Variants in SVIL observed in about 807,000 individuals in gnomAD.
SVIL encodes the protein supervillin, also known as archvillin.
A neutral mutation model predicts 240.4 loss-of-function variants in SVIL; 101 were observed. The observed-to-expected ratio is 0.42, with a 90% CI of 0.36 to 0.50. The LOEUF is 0.50. SVIL is among the 20% of genes least tolerant of loss of function. SVIL has a pLI of 0.01. For missense variants in SVIL, 2,512 were observed against 2,818.7 expected (o/e 0.89, Z 2.46); for synonymous variants, 999 against 1,100.0 (o/e 0.91, Z 1.82).
At chr10:29,569,389 A>T in intron 1 of SVIL, 77 bp from the exon 2 acceptor site, 1 of 670,230 alleles carries the variant, frequency 1.5e-6, no homozygotes, top group Non-Finnish European at 1.8e-6. Context: ...AACTCTCCAA[A>T]CTGCTTTTGA....
chr10:29,537,303 T>C (rs1007871524), intron 6 of SVIL, among the ~76,000 whole-genome samples: 1 of 152,128 alleles, frequency 6.6e-6, no homozygotes. Flanking sequence ...ACGACGAAAA[T>C]GAATCATAAA....
At chr10:29,498,202 G>C (rs1948608875) in intron 18 of SVIL, among the ~76,000 whole-genome samples, 1 of 151,494 alleles carries the variant, frequency 6.6e-6, no homozygotes, top group African/African-American at 2.4e-5. Context: ...TGGATCACCT[G>C]AGGTCAGCAG....
At chr10:29,596,865 C>T (rs1487670521) in intron 1 of SVIL, among the ~76,000 whole-genome samples, 1 of 152,198 alleles carries the variant, frequency 6.6e-6, no homozygotes, top group African/African-American at 2.4e-5. Context: ...TCACAAAGGG[C>T]TTTAATCAAG....
chr10:29,707,080 C>T (rs1962940712), intron 1 of SVIL, among the ~76,000 whole-genome samples: 1 of 152,114 alleles, frequency 6.6e-6, no homozygotes, highest in African/African-American at 2.4e-5. Context: ...GTGATGACTC[C>T]AGCTTTGTTC....
rs1187150307 is a variant in SVIL at position 29,715,564 on chromosome 10, GC to G, written c.-400+20186del. On this transcript the variant is annotated intron_variant, in intron 1 of 35. Coordinates refer to the SVIL transcript ENST00000375400. The stretch of plus-strand genomic sequence containing the variant: ...CAGTTGACCTATAAACTCTGCCTTG[GC>G]CTTGTCCCAAGCTAATCCCTATTAC... 4.6e-5 allele frequency among the ~76,000 whole-genome samples: 7 copies of G among 152,274 alleles called. No homozygotes were observed. The South Asian group carries it at 1.0e-3, about 23-fold the overall frequency.
Position 29,480,661 on chromosome 10 carries a change from G to T in SVIL, c.5253C>A (p.Ser1751Arg). The T allele has an allele frequency of 6.2e-7, 1 of 1,614,198 alleles. No individual in the cohort carries two copies. Among genetic ancestry groups the T allele is most frequent in the South Asian group, 1.1e-5 (1 of 91,084 alleles). ...GGATGTGCCAGACATCCACGGAAAC[G>T]CTGGTGATCTCAAACTGCCTCCTGT... ...GHDRRQFEIT[S>R]VSVDVWHILE... is the part of the protein sequence containing the mutation. The change falls in exon 29 of 38, where the codon AGC becomes AGA. Residue 1751 changes from serine to arginine, a missense_variant. This residue lies in a region of SVIL where 797 missense variants were observed against 925.3 expected (regional missense o/e 0.86). Coordinates refer to ENST00000355867, the MANE Select transcript of SVIL (RefSeq NM_021738.3).
At chr10:29,722,236 A>G (rs11813015) in intron 1 of SVIL, among the ~76,000 whole-genome samples, 1,930 of 151,156 alleles carry the variant, frequency 0.013, 33 homozygotes, top group African/African-American at 0.045. Flanking sequence ...AAAAAAAAAA[A>G]AAAGAAAGAA....
At chr10:29,657,068 G>A (rs976831432) in intron 3 of SVIL, among the ~76,000 whole-genome samples, 4 of 152,160 alleles carry the variant, frequency 2.6e-5, no homozygotes, top group African/African-American at 9.7e-5. Context: ...AGATCATGCA[G>A]TTTATTAAGT....
At chr10:29,557,929 C>G (rs558638827) in intron 3 of SVIL, among the ~76,000 whole-genome samples, 1 of 152,194 alleles carries the variant, frequency 6.6e-6, no homozygotes, top group Non-Finnish European at 1.5e-5. Flanking sequence ...TGGGAAGTGG[C>G]TTTGCTGTGA....
At chr10:29,657,544 T>A (rs1205063051) in intron 3 of SVIL, among the ~76,000 whole-genome samples, 2 of 152,134 alleles carry the variant, frequency 1.3e-5, no homozygotes, top group Non-Finnish European at 2.9e-5. Context: ...GCAGGTCAAA[T>A]AGCACAGTTT....
chr10:29,674,736 A>G (rs1455181963), intron 2 of SVIL, among the ~76,000 whole-genome samples: 1 of 152,194 alleles, frequency 6.6e-6, no homozygotes, highest in East Asian at 1.9e-4. Context: ...CTGGGCTACA[A>G]GTCAAGGTGT....
At chr10:29,542,812 C>T (rs967124832) in intron 6 of SVIL, among the ~76,000 whole-genome samples, 3 of 152,182 alleles carry the variant, frequency 2.0e-5, no homozygotes, top group African/African-American at 4.8e-5. Flanking sequence ...ATTTGAATAT[C>T]CTTCCTATGA....
intron 3 of SVIL, among the ~76,000 whole-genome samples, chr10:29,655,677 G>A (rs374737563): frequency 1.1e-4 from 16 of 152,254 alleles, no homozygotes; most frequent in African/African-American, 3.1e-4. Flanking sequence ...AACCATCACA[G>A]CACCTAAAAT....
At chr10:29,669,359 AG>A (rs947327620) in intron 2 of SVIL, among the ~76,000 whole-genome samples, 3 of 152,230 alleles carry the variant, frequency 2.0e-5, no homozygotes, top group Non-Finnish European at 4.4e-5. Context: ...AGTGAGTGAA[AG>A]GAAGAGAGCC....
At chr10:29,680,999 A>T (rs986609504) in intron 2 of SVIL, among the ~76,000 whole-genome samples, 1 of 152,036 alleles carries the variant, frequency 6.6e-6, no homozygotes, top group Non-Finnish European at 1.5e-5. Context: ...GGCTTGCCTC[A>T]CAAACAACTG....
rs560005975 is a variant in SVIL, at chr10:29,558,228, C to G, written c.-50-3120G>C. ...CAAAGCTATGCCAAGCCTATTGCTCCTGGAAGCTAGAATCCATCAACATAG... is the reference window on the plus strand; with the variant it reads ...CAAAGCTATGCCAAGCCTATTGCTCGTGGAAGCTAGAATCCATCAACATAG... On this transcript the variant is annotated intron_variant, in intron 3 of 37. Transcript: ENST00000355867. 9.2e-5 allele frequency among the ~76,000 whole-genome samples: 14 copies of G among 152,300 alleles called. No individual in the cohort carries two copies. In the East Asian group the frequency reaches 1.4e-3, roughly 15 times the overall value.
chr10:29,658,882 C>A (rs768676660), intron 2 of SVIL, among the ~76,000 whole-genome samples: 11 of 152,114 alleles, frequency 7.2e-5, no homozygotes, highest in Non-Finnish European at 1.3e-4. Flanking sequence ...TAACAAAGAC[C>A]CAATTCCACA....
chr10:29,717,212 G>C (rs1351485048), intron 1 of SVIL, among the ~76,000 whole-genome samples: 1 of 114,800 alleles, frequency 8.7e-6, no homozygotes, highest in African/African-American at 3.3e-5. Flanking sequence ...AAGCCTGGGC[G>C]ACAGAGCAAG....
intron 1 of SVIL, among the ~76,000 whole-genome samples, chr10:29,698,901 A>G (rs926920419): frequency 6.6e-6 from 1 of 152,190 alleles, no homozygotes; most frequent in Admixed American, 6.5e-5. Context: ...GTGACTCTGC[A>G]GTGAATCTCC....
Sources: allele counts gnomAD v4.1 joint callset (sites outside exome capture counted in the v4.1 genomes callset), GRCh38; gene constraint gnomAD v4.1.1; regional missense constraint gnomAD v4.1.1; transcripts MANE v1.5; gene names NCBI Gene and HGNC (gene_info 2026-07-23, HGNC 2026-07-21).